Variants in CTBP1 observed in about 807,000 individuals in gnomAD.
CTBP1 encodes the protein C-terminal binding protein 1, also known as C-terminal-binding protein 1.
CTBP1 carries 11 observed loss-of-function variants against 42.1 expected under a neutral mutation model. The ratio of observed to expected loss-of-function variants is 0.26; its 90% CI spans 0.16 to 0.43. CTBP1 has a LOEUF of 0.43. Among genes scored for constraint, CTBP1 ranks in the 20% least tolerant of loss-of-function variants. The pLI is 1.00. For synonymous variants in CTBP1, 324 were observed against 277.1 expected (o/e 1.17, Z -1.68); for missense variants, 399 against 624.3 (o/e 0.64, Z 3.85).
At chr4:1,224,289 G>T (rs771533037) in intron 5 of CTBP1, among the ~76,000 whole-genome samples, 3 of 152,168 alleles carry the variant, frequency 2.0e-5, no homozygotes, top group Non-Finnish European at 4.4e-5. Flanking sequence ...TGTGACATCT[G>T]TATGTCCCCG....
chr4:1,239,661 G>T (rs777914899), intron 2 of CTBP1, among the ~76,000 whole-genome samples: 9 of 152,222 alleles, frequency 5.9e-5, no homozygotes, highest in Non-Finnish European at 8.8e-5. Context: ...CGCCTGCAGG[G>T]GACGGGGCAT....
intron 3 of CTBP1, chr4:1,236,326 C>A: frequency 2.5e-6 from 1 of 395,162 alleles, no homozygotes; most frequent in East Asian, 4.9e-5. Context: ...CCTGAGCAAA[C>A]AAGAATCAGG....
At chr4:1,248,600 G>A (rs976458308) in intron 1 of CTBP1, 1 of 843,014 alleles carries the variant, frequency 1.2e-6, no homozygotes, top group African/African-American at 1.8e-5. Context: ...ACGGGGCTGG[G>A]GTCGGTGGAG....
intron 2 of CTBP1, among the ~76,000 whole-genome samples, chr4:1,240,179 G>C (rs112887411): frequency 9.6e-5 from 13 of 136,080 alleles, no homozygotes; most frequent in South Asian, 2.4e-4. Context: ...TCAGAACCGC[G>C]TGGGGGACTC....
intron 1 of CTBP1, 162 bp downstream of exon 1, chr4:1,248,754 C>T: frequency 1.0e-6 from 1 of 978,650 alleles, no homozygotes; most frequent in Non-Finnish European, 1.2e-6. Context: ...GTCCCGCCCC[C>T]GACCGCGGCC....
rs1192213005 is a variant in CTBP1 at position 1,249,016 on chromosome 4, G to A, written c.-289C>T. ...CGGCGCGCTGCGCCGCCGCGAGCCC[G>A]GCGCGTGGGGCGGCCTCGGCGCCGT... On this transcript the variant is annotated 5_prime_UTR_variant, in exon 1 of 10. Transcript: ENST00000382952. 14 of 827,418 alleles carry A rather than the reference G, an allele frequency of 1.7e-5. No individual in the cohort carries two copies. The highest frequency in any genetic ancestry group is 6.4e-5 in the Admixed American group (1 of 15,518). 51.3% of individuals were successfully genotyped at this position (827,418 alleles called of 1,614,324 possible). A position where few individuals can be genotyped will look rare whatever the true frequency, so the allele number is the denominator to read the frequency against.
At chr4:1,245,802 G>A (rs979260481) in intron 1 of CTBP1, among the ~76,000 whole-genome samples, 5 of 152,054 alleles carry the variant, frequency 3.3e-5, no homozygotes, top group African/African-American at 1.2e-4. Flanking sequence ...AGTTAACGGC[G>A]GTGCCAGGGG....
At chr4:1,245,580 G>A in intron 1 of CTBP1, 1 of 982,668 alleles carries the variant, frequency 1.0e-6, no homozygotes. Context: ...CGGTGACACG[G>A]GCGGCAGGGA....
chr4:1,240,677 GA>G lies in CTBP1; in HGVS notation c.7+647del, dbSNP rs758022905. 5.8e-4 allele frequency among the ~76,000 whole-genome samples: 88 copies of G among 152,024 alleles called. 2 individuals carry two copies. The highest frequency in any genetic ancestry group is 7.1e-4 in the Non-Finnish European group (48 of 67,944). On this transcript the variant is annotated intron_variant, in intron 2 of 9. Coordinates refer to ENST00000382952, the MANE Select transcript of CTBP1 (RefSeq NM_001012614.2). ...CCGGGTCCCTCAGCTGAACGGTGGGGAGGGGGGAGCAGGTGGAGACACCAAG... is the reference window on the plus strand; with the variant it reads ...CCGGGTCCCTCAGCTGAACGGTGGGGGGGGGGAGCAGGTGGAGACACCAAG...
intron 5 of CTBP1, chr4:1,218,711 G>A (rs978788576): frequency 6.6e-6 from 1 of 152,240 alleles, no homozygotes; most frequent in Non-Finnish European, 1.5e-5. Flanking sequence ...CCCTGGACGA[G>A]TCTTCACAGG....
intron 8 of CTBP1, among the ~76,000 whole-genome samples, chr4:1,213,250 C>A (rs752900317): frequency 6.6e-6 from 1 of 152,042 alleles, no homozygotes; most frequent in African/African-American, 2.4e-5. Flanking sequence ...TGCTGAGGGA[C>A]CTGTCTGCTC....
chr4:1,236,465 C>T (rs1731505795), intron 3 of CTBP1: 1 of 580,338 alleles, frequency 1.7e-6, no homozygotes. Context: ...GCCACAAAAG[C>T]TGGCATCCCG....
intron 6 of CTBP1, 30 bp from the exon 7 acceptor site, chr4:1,214,503 G>A (rs759579175): frequency 4.5e-6 from 7 of 1,547,802 alleles, no homozygotes; most frequent in Non-Finnish European, 6.1e-6. Flanking sequence ...GCCAGGCCCA[G>A]TCAGGGATCC....
At chr4:1,248,577 C>T (rs1733010314) in intron 1 of CTBP1, 3 of 641,516 alleles carry the variant, frequency 4.7e-6, no homozygotes, top group Non-Finnish European at 5.8e-6. Flanking sequence ...CCCGGGGTGC[C>T]GTCCCGGGTC....
chr4:1,243,617 G>A (rs1159444904), intron 1 of CTBP1: 1 of 985,330 alleles, frequency 1.0e-6, no homozygotes. Context: ...CCCACTGAGA[G>A]CCAGTGTCCG....
intron 1 of CTBP1, chr4:1,245,039 C>T (rs1178796615): frequency 2.2e-5 from 22 of 985,318 alleles, no homozygotes; most frequent in Admixed American, 6.1e-5. Flanking sequence ...GCTGAGAGCA[C>T]GGGGCCAAGA....
rs781084079 is a variant in CTBP1, at chr4:1,238,294, G to T, written c.51C>A (p.Pro17=). 22 of 1,596,180 alleles carry T rather than the reference G, an allele frequency of 1.4e-5. No homozygotes were observed. The South Asian group carries it at 2.4e-4, about 18-fold the overall frequency. The change falls in exon 3 of 10, where the codon CCC becomes CCA. Residue 17 remains proline, a synonymous_variant. Transcript: ENST00000382952. The surrounding 1 kb of genome is among the most constrained non-coding windows in gnomAD (Gnocchi z 5.9). ...PIMNGPLHPR[P]LVALLDGRDC... ...CCCGGCCATCCAGCAATGCCACCAGGGGCCGCGGGTGCAGGGGCCCGTTCA... is the reference window on the plus strand; with the variant it reads ...CCCGGCCATCCAGCAATGCCACCAGTGGCCGCGGGTGCAGGGGCCCGTTCA...
intron 4 of CTBP1, among the ~76,000 whole-genome samples, chr4:1,226,922 C>T (rs1730413019): frequency 6.6e-6 from 1 of 152,044 alleles, no homozygotes; most frequent in Non-Finnish European, 1.5e-5. Flanking sequence ...ACGGTTCCAA[C>T]TTTGCAATGC....
chr4:1,229,642 G>A (rs904335101), intron 3 of CTBP1, among the ~76,000 whole-genome samples: 4 of 152,212 alleles, frequency 2.6e-5, no homozygotes, highest in East Asian at 1.9e-4. Context: ...ACCGCAGGGC[G>A]TCCTGTGGGA....
Sources: allele counts gnomAD v4.1 joint callset (sites outside exome capture counted in the v4.1 genomes callset), GRCh38; gene constraint gnomAD v4.1.1; non-coding constraint Gnocchi (gnomAD v3.1); transcripts MANE v1.5; gene names NCBI Gene and HGNC (gene_info 2026-07-23, HGNC 2026-07-21).